SRGAP2B: variants seen among roughly 807,000 people sequenced by gnomAD.
SRGAP2B encodes the protein SLIT-ROBO Rho GTPase activating protein 2B, also known as SLIT-ROBO Rho GTPase-activating protein 2B.
In SRGAP2B, 9 loss-of-function variants were observed where a neutral mutation model predicts 22.2. That is an observed-to-expected ratio of 0.41 (90% CI 0.24 to 0.71). SRGAP2B has a LOEUF of 0.71. Among genes scored for constraint, SRGAP2B ranks in the 30% least tolerant of loss-of-function variants. The pLI is 0.35. For missense variants in SRGAP2B, 114 were observed against 235.8 expected (o/e 0.48, Z 3.38); for synonymous variants, 36 against 87.4 (o/e 0.41, Z 3.28).
At chr1:144,996,097 G>A (rs1351931030) in intron 2 of SRGAP2B, among the ~76,000 whole-genome samples, 2 of 151,266 alleles carry the variant, frequency 1.3e-5, no homozygotes, top group East Asian at 1.9e-4. Context: ...CTCTGGAACT[G>A]CTGCAAAGGC....
chr1:145,016,935 G>A (rs1211922812), intron 2 of SRGAP2B, among the ~76,000 whole-genome samples: 2 of 143,160 alleles, frequency 1.4e-5, no homozygotes, highest in African/African-American at 2.7e-5. Context: ...CGCAAGCACC[G>A]CCTCCCGGGT....
intron 2 of SRGAP2B, among the ~76,000 whole-genome samples, chr1:145,007,401 T>C (rs1403806343): frequency 3.3e-5 from 5 of 150,882 alleles, no homozygotes; most frequent in Non-Finnish European, 5.9e-5. Context: ...TTCCTTCACC[T>C]TCACCAAATT....
intron 3 of SRGAP2B, among the ~76,000 whole-genome samples, chr1:144,985,289 GAGAA>G (rs1414886699): frequency 7.2e-6 from 1 of 138,114 alleles, no homozygotes; most frequent in African/African-American, 2.9e-5. Flanking sequence ...GTGTTGAGGA[GAGAA>G]AGAAGCTGGG....
intron 4 of SRGAP2B, chr1:144,918,337 A>G (rs1664018439): frequency 6.7e-6 from 1 of 149,430 alleles, no homozygotes; most frequent in Non-Finnish European, 1.5e-5. Flanking sequence ...TGCTGGTTCT[A>G]TCGGATGGGA....
At chr1:144,907,135 G>T (rs1663046337) in intron 5 of SRGAP2B, among the ~76,000 whole-genome samples, 1 of 146,662 alleles carries the variant, frequency 6.8e-6, no homozygotes, top group African/African-American at 2.7e-5. Context: ...GGGTGTGTGT[G>T]TGCGTGTGTG....
chr1:144,944,475 C>G (rs1277162181), intron 4 of SRGAP2B, among the ~76,000 whole-genome samples: 1 of 142,686 alleles, frequency 7.0e-6, no homozygotes, highest in Non-Finnish European at 1.5e-5. Context: ...TAGTATCAGA[C>G]ACATGAGAAG....
intron 2 of SRGAP2B, among the ~76,000 whole-genome samples, chr1:145,041,460 C>G (rs1186578379): frequency 7.2e-6 from 1 of 138,826 alleles, no homozygotes; most frequent in Non-Finnish European, 1.5e-5. Flanking sequence ...GCACTCCATC[C>G]TGGGAAACAA....
At chr1:145,080,693 T>C (rs1331944310) in intron 2 of SRGAP2B, among the ~76,000 whole-genome samples, 2 of 148,356 alleles carry the variant, frequency 1.3e-5, no homozygotes, top group Non-Finnish European at 3.0e-5. Context: ...TAAGATAAAT[T>C]ACAGGCGCCC....
chr1:145,041,053 A>T (rs1649167442), intron 2 of SRGAP2B, among the ~76,000 whole-genome samples: 1 of 111,636 alleles, frequency 9.0e-6, no homozygotes, highest in Admixed American at 1.1e-4. Flanking sequence ...AAAAAATATC[A>T]TTTGTTGCAT....
intron 2 of SRGAP2B, among the ~76,000 whole-genome samples, chr1:145,068,838 T>C (rs1362810167): frequency 6.7e-5 from 10 of 148,388 alleles, no homozygotes; most frequent in Admixed American, 2.0e-4. Context: ...ATTTAAAATA[T>C]ATAGAAATTA....
intron 4 of SRGAP2B, among the ~76,000 whole-genome samples, chr1:144,915,517 G>T (rs1366100183): frequency 6.7e-6 from 1 of 150,262 alleles, no homozygotes; most frequent in East Asian, 2.0e-4. Context: ...GCTGAGGTCA[G>T]GAATTCGAGA....
chr1:144,984,682 C>A (rs1669587699), intron 3 of SRGAP2B, among the ~76,000 whole-genome samples: 1 of 148,772 alleles, frequency 6.7e-6, no homozygotes, highest in Admixed American at 6.7e-5. Flanking sequence ...ACCATCCCAA[C>A]CTAATTTAGA....
chr1:145,075,958 C>T (rs1207984103), intron 2 of SRGAP2B, among the ~76,000 whole-genome samples: 5 of 149,624 alleles, frequency 3.3e-5, no homozygotes, highest in East Asian at 2.0e-4. Flanking sequence ...CGTGGTGGCA[C>T]GCACCTATAA....
chr1:144,944,346 CAAT>C (rs1407100904), intron 4 of SRGAP2B, among the ~76,000 whole-genome samples: 1 of 150,202 alleles, frequency 6.7e-6, no homozygotes, highest in Non-Finnish European at 1.5e-5. Context: ...AATATCCATA[CAAT>C]AATTTGGAGG....
rs1442155892 is a variant in SRGAP2B, at chr1:145,080,727, G to T, written c.67+12108C>A. On this transcript the variant is annotated intron_variant, in intron 2 of 9. Coordinates refer to ENST00000612199, the Ensembl canonical transcript of SRGAP2B. ...CCGCCACCATGCCCAGCTAACTTTT[G>T]TATTTTTAATAGAGACAGGGTTTCA... is the stretch of plus-strand genomic sequence containing the variant. Among the ~76,000 whole-genome samples, 7 of 149,148 alleles carry T rather than the reference G, an allele frequency of 4.7e-5. 1 individual carries two copies. Among genetic ancestry groups the T allele is most frequent in the Non-Finnish European group, 1.0e-4 (7 of 67,718 alleles).
At chr1:144,915,517 G>A (rs1366100183) in intron 4 of SRGAP2B, among the ~76,000 whole-genome samples, 7 of 150,146 alleles carry the variant, frequency 4.7e-5, no homozygotes, top group African/African-American at 7.5e-5. Flanking sequence ...GCTGAGGTCA[G>A]GAATTCGAGA....
At chr1:145,075,813 C>G (rs1373563848) in intron 2 of SRGAP2B, among the ~76,000 whole-genome samples, 1 of 148,886 alleles carries the variant, frequency 6.7e-6, no homozygotes, top group Non-Finnish European at 1.5e-5. Flanking sequence ...TGAGGCCGGG[C>G]ACGGTGGCTC....
chr1:144,920,922 G>A (rs1664199121), intron 4 of SRGAP2B, among the ~76,000 whole-genome samples: 2 of 150,170 alleles, frequency 1.3e-5, no homozygotes, highest in South Asian at 4.2e-4. Context: ...TTCAAAGCAG[G>A]TTCAATTATT....
chr1:144,971,152 C>T lies in SRGAP2B; in HGVS notation c.261-15551G>A, dbSNP rs1349294488. ...CTTCCTTTTTTTTTTTTTTTTGAGACGGAGTTTCACTCTTGTTGTCCAGGC... is the reference window on the plus strand; with the variant it reads ...CTTCCTTTTTTTTTTTTTTTTGAGATGGAGTTTCACTCTTGTTGTCCAGGC... On this transcript the variant is annotated intron_variant, in intron 3 of 9. Transcript: ENST00000612199. Among the ~76,000 whole-genome samples the T allele has an allele frequency of 4.7e-4, 67 of 143,670 alleles. 4 individuals are homozygous for T. The highest frequency in any genetic ancestry group is 1.4e-3 in the Admixed American group (20 of 14,256). 94.3% of individuals were successfully genotyped at this position (143,670 alleles called of 152,430 possible).
Sources: allele counts gnomAD v4.1 joint callset (sites outside exome capture counted in the v4.1 genomes callset), GRCh38; gene constraint gnomAD v4.1.1; transcripts MANE v1.5; gene names NCBI Gene and HGNC (gene_info 2026-07-23, HGNC 2026-07-21).